METTL15: variants seen among roughly 807,000 people sequenced by gnomAD.
METTL15 encodes 12S rRNA N(4)-cytidine methyltransferase METTL15.
A neutral mutation model predicts 38.3 loss-of-function variants in METTL15; 34 were observed. The ratio of observed to expected loss-of-function variants is 0.89; its 90% CI spans 0.68 to 1.18. METTL15 has a LOEUF of 1.18. METTL15 is among the 50% of genes most tolerant of loss of function. METTL15 has a pLI of 0.00. For missense variants in METTL15, 438 were observed against 498.4 expected, an observed-to-expected ratio of 0.88 and a Z score of 1.15; for synonymous variants, 162 against 170.9, an observed-to-expected ratio of 0.95 and a Z score of 0.41.
intron 4 of METTL15, among the ~76,000 whole-genome samples, chr11:28,277,293 A>T (rs775399195): frequency 2.6e-5 from 4 of 152,224 alleles, no homozygotes; most frequent in Non-Finnish European, 4.4e-5. Context: ...TATTTATCAC[A>T]GTGCTATTCA....
Position 28,213,906 on chromosome 11 carries a change from C to T in METTL15, c.407+2708C>T, listed in dbSNP as rs995699493. Among the ~76,000 whole-genome samples, 15 of 151,996 alleles carry T rather than the reference C, an allele frequency of 9.9e-5. 1 individual carries two copies. The highest frequency in any genetic ancestry group is 1.9e-4 in the Non-Finnish European group (13 of 67,988). ...TCCTGACCTCATGATCCGCCCGCCT[C>T]GGCCTCCCAAAGTGCTGGGATTACA... On this transcript the variant is annotated intron_variant, in intron 4 of 6. Transcript: ENST00000407364.
intron 6 of METTL15, among the ~76,000 whole-genome samples, chr11:28,426,438 C>T (rs1850865007): frequency 6.6e-6 from 1 of 151,970 alleles, no homozygotes; most frequent in Non-Finnish European, 1.5e-5. Context: ...CAGTATATAC[C>T]CAGGAATGGG....
intron 5 of METTL15, among the ~76,000 whole-genome samples, chr11:28,404,531 C>A (rs1039493862): frequency 6.6e-6 from 1 of 151,922 alleles, no homozygotes; most frequent in Non-Finnish European, 1.5e-5. Flanking sequence ...GGCATTTATC[C>A]CATTCATTAG....
At chr11:28,154,927 TG>T (rs928264350) in intron 3 of METTL15, among the ~76,000 whole-genome samples, 1 of 152,142 alleles carries the variant, frequency 6.6e-6, no homozygotes, top group Admixed American at 6.5e-5. Context: ...AGTGAATTTG[TG>T]AGACAAAACT....
intron 6 of METTL15, among the ~76,000 whole-genome samples, chr11:28,435,602 A>G (rs532315903): frequency 2.0e-5 from 3 of 152,322 alleles, no homozygotes; most frequent in African/African-American, 7.2e-5. Context: ...TTAGGGGCAG[A>G]GATGTCTCTC....
At chr11:28,483,963 TAGAG>T (rs1851417650) in intron 6 of METTL15, among the ~76,000 whole-genome samples, 1 of 152,150 alleles carries the variant, frequency 6.6e-6, no homozygotes, top group African/African-American at 2.4e-5. Context: ...TATTTAAAAA[TAGAG>T]AGTGAGATGG....
chr11:28,462,634 C>T (rs1170325828), intron 6 of METTL15, among the ~76,000 whole-genome samples: 1 of 151,870 alleles, frequency 6.6e-6, no homozygotes, highest in Non-Finnish European at 1.5e-5. Flanking sequence ...CTTCAGGCAG[C>T]CTCATGGGAT....
At position 28,159,311 on chromosome 11, in the gene METTL15, G is replaced by A. The variant is rs548319193; in HGVS notation, c.270+45707G>A. The stretch of plus-strand genomic sequence containing the variant: ...AAGAGGAAGAGTTGCATGGAATACA[G>A]GAGATCCATTAGGGCATCTCTTAGT... On this transcript the variant is annotated intron_variant, in intron 3 of 6. Coordinates refer to ENST00000407364, the MANE Select transcript of METTL15 (RefSeq NM_001113528.2). 2.6e-4 allele frequency among the ~76,000 whole-genome samples: 39 copies of A among 152,160 alleles called. No homozygotes were observed. In the South Asian group the frequency reaches 7.3e-3, roughly 28 times the overall value.
At chr11:28,232,431 T>A (rs1355696695) in intron 4 of METTL15, among the ~76,000 whole-genome samples, 2 of 151,906 alleles carry the variant, frequency 1.3e-5, no homozygotes, top group African/African-American at 4.8e-5. Flanking sequence ...CTGTGTTCAC[T>A]GAATCTAAAA....
chr11:28,422,509 A>G (rs1850829072), intron 5 of METTL15, among the ~76,000 whole-genome samples: 1 of 152,042 alleles, frequency 6.6e-6, no homozygotes, highest in African/African-American at 2.4e-5. Flanking sequence ...AAAGAAATGA[A>G]CAGAATAGAG....
intron 6 of METTL15, among the ~76,000 whole-genome samples, chr11:28,451,262 G>T (rs1281145243): frequency 1.3e-5 from 2 of 151,974 alleles, no homozygotes; most frequent in African/African-American, 4.8e-5. Context: ...AGATTAACAG[G>T]AGAGAAAAGG....
chr11:28,495,578 G>A (rs1473819461), intron 6 of METTL15, among the ~76,000 whole-genome samples: 1 of 152,090 alleles, frequency 6.6e-6, no homozygotes, highest in East Asian at 1.9e-4. Flanking sequence ...GGGCTTGAAA[G>A]TTTATGTTTG....
chr11:28,164,703 T>C (rs1324807085), intron 3 of METTL15, among the ~76,000 whole-genome samples: 1 of 152,048 alleles, frequency 6.6e-6, no homozygotes, highest in African/African-American at 2.4e-5. Flanking sequence ...TTCTGAAATA[T>C]ACATTATTAT....
intron 4 of METTL15, among the ~76,000 whole-genome samples, chr11:28,223,748 A>G (rs1853352558): frequency 6.6e-6 from 1 of 152,096 alleles, no homozygotes; most frequent in Non-Finnish European, 1.5e-5. Flanking sequence ...CTCTTTCAGA[A>G]AAGATGACAT....
intron 5 of METTL15, among the ~76,000 whole-genome samples, chr11:28,366,018 C>A (rs554369036): frequency 1.1e-4 from 17 of 152,088 alleles, no homozygotes; most frequent in Admixed American, 2.6e-4. Context: ...CCACTGCACC[C>A]CAGCCTGGGT....
intron 6 of METTL15, among the ~76,000 whole-genome samples, chr11:28,500,768 T>A (rs915605933): frequency 1.3e-5 from 2 of 152,192 alleles, no homozygotes; most frequent in East Asian, 3.9e-4. Context: ...AATGATTCAC[T>A]CTCCTTGGCC....
At chr11:28,374,474 G>T (rs1290870641) in intron 5 of METTL15, among the ~76,000 whole-genome samples, 3 of 145,386 alleles carry the variant, frequency 2.1e-5, no homozygotes, top group Non-Finnish European at 3.1e-5. Flanking sequence ...TTTGTCTGTT[G>T]TTGGTGTATA....
intron 3 of METTL15, among the ~76,000 whole-genome samples, chr11:28,161,354 A>G (rs1850458369): frequency 6.6e-6 from 1 of 151,970 alleles, no homozygotes; most frequent in Non-Finnish European, 1.5e-5. Flanking sequence ...TCCTGGCCTC[A>G]AGTGATCCAC....
intron 5 of METTL15, among the ~76,000 whole-genome samples, chr11:28,394,865 A>G (rs1014856439): frequency 1.4e-4 from 21 of 152,190 alleles, no homozygotes; most frequent in African/African-American, 4.6e-4. Flanking sequence ...TTTATACACC[A>G]TGATGTCTGA....
Sources: gnomAD v4.1 joint callset for allele counts (sites outside exome capture counted in the v4.1 genomes callset) on GRCh38, gnomAD v4.1.1 for gene constraint, MANE v1.5 for transcripts, NCBI Gene and HGNC (gene_info 2026-07-23, HGNC 2026-07-21) for gene names.